NAALADL2: variants seen among roughly 807,000 people sequenced by gnomAD.
NAALADL2 encodes the protein N-acetylated alpha-linked acidic dipeptidase like 2.
Under a neutral mutation model 87.2 loss-of-function variants are expected in NAALADL2, and 76 were observed. That is an observed-to-expected ratio of 0.87 (90% confidence interval 0.72 to 1.05). The LOEUF (loss-of-function observed/expected upper bound fraction) is 1.05, where lower values mean the gene tolerates loss of function less well. Ranked by LOEUF, NAALADL2 falls within the 50% of genes least tolerant of loss-of-function variation. The pLI is 0.00. For missense variants in NAALADL2, 1,089 were observed against 945.8 expected, an observed-to-expected ratio of 1.15 and a Z score of -1.99; for synonymous variants, 354 against 331.0, an observed-to-expected ratio of 1.07 and a Z score of -0.75.
intron 11 of NAALADL2, among the ~76,000 whole-genome samples, chr3:175,693,480 G>A (rs2149926152): frequency 6.6e-6 from 1 of 152,152 alleles, no homozygotes; most frequent in South Asian, 2.1e-4. Context: ...AAGGACAAAG[G>A]GCAGACATCT....
intron 1 of NAALADL2, among the ~76,000 whole-genome samples, chr3:174,921,024 A>G (rs2108352892): frequency 6.6e-6 from 1 of 152,314 alleles, no homozygotes; most frequent in African/African-American, 2.4e-5. Flanking sequence ...TTACAATAGT[A>G]ACATCAAAGA....
chr3:175,424,178 G>A (rs1357335365), intron 5 of NAALADL2, among the ~76,000 whole-genome samples: 1 of 151,906 alleles, frequency 6.6e-6, no homozygotes, highest in Non-Finnish European at 1.5e-5. Context: ...CCCTTTGTCA[G>A]ATGCAAAAAT....
chr3:175,628,609 C>CTATGTGTGTATATA (rs10663163), intron 11 of NAALADL2, among the ~76,000 whole-genome samples: 2 of 132,250 alleles, frequency 1.5e-5, no homozygotes, highest in African/African-American at 5.8e-5. Context: ...AATAATCTCT[C>CTATGTGTGTATATA]TCTCTATGTA....
chr3:174,470,198 G>A (rs1479845391), intron 1 of NAALADL2, among the ~76,000 whole-genome samples: 1 of 152,078 alleles, frequency 6.6e-6, no homozygotes, highest in Non-Finnish European at 1.5e-5. Context: ...ATTCTGAGTG[G>A]TGTGAGATGG....
intron 1 of NAALADL2, among the ~76,000 whole-genome samples, chr3:174,882,857 A>G (rs189885716): frequency 4.1e-4 from 57 of 140,408 alleles, no homozygotes; most frequent in African/African-American, 1.7e-3. Context: ...ATGTGTATAT[A>G]TACATATGTG....
intron 11 of NAALADL2, among the ~76,000 whole-genome samples, chr3:175,725,191 G>A (rs1015943943): frequency 6.6e-6 from 1 of 151,936 alleles, no homozygotes; most frequent in African/African-American, 2.4e-5. Flanking sequence ...CATTATGTAT[G>A]CTTGTTATAT....
chr3:174,944,026 A>G lies in NAALADL2; in HGVS notation c.43+84576A>G, dbSNP rs1739020357. Among the ~76,000 whole-genome samples the G allele has an allele frequency of 5.3e-5, 8 of 152,060 alleles. No individual in the cohort carries two copies. In the South Asian group the frequency reaches 1.7e-3, roughly 32 times the overall value. On this transcript the variant is annotated intron_variant, in intron 1 of 13. Transcript: ENST00000454872. Reference sequence around the variant, plus strand: ...GAGATGTAGGAACAGGCACCCACCTAACAGTCTGGCCACTTTTCCTTAGGG... The same window carrying G: ...GAGATGTAGGAACAGGCACCCACCTGACAGTCTGGCCACTTTTCCTTAGGG...
At chr3:175,513,236 A>G (rs1407405060) in intron 9 of NAALADL2, among the ~76,000 whole-genome samples, 1 of 152,184 alleles carries the variant, frequency 6.6e-6, no homozygotes, top group African/African-American at 2.4e-5. Context: ...TAAAGATCCT[A>G]AAAGAAAAAC....
At chr3:174,912,205 G>T (rs1733793689) in intron 1 of NAALADL2, among the ~76,000 whole-genome samples, 2 of 152,022 alleles carry the variant, frequency 1.3e-5, no homozygotes, top group African/African-American at 2.4e-5. Context: ...GTCATTGGGG[G>T]TGGGGCAGCA....
At chr3:174,593,485 C>T (rs1717588242) in intron 2 of NAALADL2, among the ~76,000 whole-genome samples, 1 of 152,118 alleles carries the variant, frequency 6.6e-6, no homozygotes, top group Non-Finnish European at 1.5e-5. Context: ...TGTTAAATGA[C>T]ATGGCTGGAA....
chr3:175,753,847 C>A (rs1746908712), intron 12 of NAALADL2, among the ~76,000 whole-genome samples: 1 of 152,156 alleles, frequency 6.6e-6, no homozygotes, highest in Non-Finnish European at 1.5e-5. Context: ...GGCCTCCATT[C>A]TTCACACCAT....
intron 2 of NAALADL2, among the ~76,000 whole-genome samples, chr3:175,190,906 A>T (rs1426832501): frequency 6.9e-6 from 1 of 145,058 alleles, no homozygotes; most frequent in Non-Finnish European, 1.5e-5. Context: ...TGAACCCGGG[A>T]GGCGGAGCTT....
intron 2 of NAALADL2, among the ~76,000 whole-genome samples, chr3:175,204,994 T>C (rs1056248243): frequency 6.6e-6 from 1 of 152,076 alleles, no homozygotes; most frequent in Non-Finnish European, 1.5e-5. Flanking sequence ...TGCTCATAGA[T>C]GGAGAATCAA....
intron 3 of NAALADL2, among the ~76,000 whole-genome samples, chr3:175,253,527 A>G (rs200932764): frequency 1.3e-5 from 2 of 152,156 alleles, no homozygotes; most frequent in Non-Finnish European, 2.9e-5. Flanking sequence ...TACTAACACA[A>G]CATCCATTCT....
At chr3:174,850,662 A>C (rs1484904024) in intron 3 of NAALADL2, among the ~76,000 whole-genome samples, 1 of 152,170 alleles carries the variant, frequency 6.6e-6, no homozygotes, top group African/African-American at 2.4e-5. Context: ...CCAATACAAT[A>C]ATAGCTGTGG....
intron 2 of NAALADL2, among the ~76,000 whole-genome samples, chr3:174,672,091 A>G (rs75955630): frequency 0.055 from 8,294 of 152,130 alleles, 599 homozygotes; most frequent in African/African-American, 0.16. Context: ...TTAACTGATT[A>G]AGGTAAGGCA....
intron 9 of NAALADL2, among the ~76,000 whole-genome samples, chr3:175,480,726 G>A (rs968638578): frequency 1.3e-5 from 2 of 151,708 alleles, no homozygotes; most frequent in African/African-American, 4.8e-5. Flanking sequence ...GGTAATCATA[G>A]GATCCAAAAA....
intron 2 of NAALADL2, among the ~76,000 whole-genome samples, chr3:174,605,817 G>A (rs1173856731): frequency 2.0e-5 from 3 of 152,056 alleles, no homozygotes; most frequent in East Asian, 1.9e-4. Context: ...AGAGAGCAAT[G>A]GTTCTCCCAG....
At chr3:175,545,497 G>A (rs1414855128) in intron 9 of NAALADL2, among the ~76,000 whole-genome samples, 5 of 151,810 alleles carry the variant, frequency 3.3e-5, no homozygotes, top group Non-Finnish European at 7.4e-5. Context: ...ATTCCACAGT[G>A]TTTGTTGTGT....
Sources: allele counts gnomAD v4.1 joint callset (sites outside exome capture counted in the v4.1 genomes callset), GRCh38; gene constraint gnomAD v4.1.1; transcripts MANE v1.5; gene names NCBI Gene and HGNC (gene_info 2026-07-23, HGNC 2026-07-21).